The following SIN3A variants were observed in gnomAD, a reference collection of about 807,000 sequenced individuals.
SIN3A encodes SIN3 transcription regulator family member A.
SIN3A carries 14 observed loss-of-function variants against 146.1 expected under a neutral mutation model. That is an observed-to-expected ratio of 0.10 (90% CI 0.06 to 0.15). SIN3A has a LOEUF of 0.15. SIN3A is among the 10% of genes least tolerant of loss of function. The pLI is 1.00. For missense variants in SIN3A, 1,028 were observed against 1,576.0 expected (o/e 0.65, Z 5.89); for synonymous variants, 572 against 572.0 (o/e 1.00, Z 0.00).
intron 1 of SIN3A, among the ~76,000 whole-genome samples, chr15:75,432,923 T>C (rs962772177): frequency 1.3e-5 from 2 of 151,700 alleles, no homozygotes; most frequent in African/African-American, 4.8e-5. Flanking sequence ...GCATCTGTAA[T>C]CCCAGCTACT....
chr15:75,434,545 G>A (rs2074069329), intron 1 of SIN3A, among the ~76,000 whole-genome samples: 1 of 151,948 alleles, frequency 6.6e-6, no homozygotes, highest in Admixed American at 6.6e-5. Flanking sequence ...AGCTACTCAG[G>A]AGGCTGAGGC....
rs149786977 is a variant in SIN3A at position 75,444,731 on chromosome 15, T to C, written c.-34+6692A>G. On this transcript the variant is annotated intron_variant, in intron 1 of 20. Transcript: ENST00000394947. ...GTTACCCAGACATTTCTTACTACTG[T>C]AGGTAGAAAATGAACAGAAATTTAG... Among the ~76,000 whole-genome samples, 1,361 of 152,258 alleles carry C rather than the reference T, an allele frequency of 8.9e-3. 13 individuals are homozygous for C. The highest frequency in any genetic ancestry group is 0.015 in the Non-Finnish European group (1,051 of 68,006).
At chr15:75,390,062 C>T (rs1323123867) in intron 15 of SIN3A, among the ~76,000 whole-genome samples, 3 of 152,180 alleles carry the variant, frequency 2.0e-5, no homozygotes, top group African/African-American at 7.2e-5. Context: ...GACTACCATG[C>T]TAGAAAGATA....
chr15:75,371,926 G>A lies in SIN3A; in HGVS notation c.*53C>T. ...GTTTCTTCAGTGTGTGAGTGCATAG[G>A]CCCACACACACATCCCCACACACAC... On this transcript the variant is annotated 3_prime_UTR_variant, in exon 21 of 21. Transcript: ENST00000394947. The A allele has an allele frequency of 6.7e-7, 1 of 1,481,786 alleles. No individual in the cohort carries two copies. Among genetic ancestry groups the A allele is most frequent in the Admixed American group, 1.7e-5 (1 of 59,060 alleles). 91.8% of individuals were successfully genotyped at this position (1,481,786 alleles called of 1,614,324 possible). A position where few individuals can be genotyped will look rare whatever the true frequency, so the allele number is the denominator to read the frequency against.
rs184906997 is a variant in SIN3A at position 75,417,487 on chromosome 15, C to T, written c.367-3176G>A. 3.5e-4 allele frequency among the ~76,000 whole-genome samples: 53 copies of T among 151,884 alleles called. No homozygotes were observed. In the East Asian group the frequency reaches 0.01, roughly 29 times the overall value. Reference sequence around the variant, plus strand: ...GCCTCCTGGGTTCAAGTGATATCTCCTGCCTCAGCCTCCTGAGTAGCTGGG... The same window carrying T: ...GCCTCCTGGGTTCAAGTGATATCTCTTGCCTCAGCCTCCTGAGTAGCTGGG... On this transcript the variant is annotated intron_variant, in intron 3 of 20. Transcript: ENST00000394947.
At chr15:75,428,503 T>C (rs2073963534) in intron 2 of SIN3A, among the ~76,000 whole-genome samples, 1 of 152,104 alleles carries the variant, frequency 6.6e-6, no homozygotes, top group Admixed American at 6.6e-5. Flanking sequence ...TTTTTCAAAT[T>C]AATTAATTAA....
At chr15:75,380,574 C>T (rs564029076) in intron 19 of SIN3A, 55 bp downstream of exon 19, 4 of 1,267,230 alleles carry the variant, frequency 3.2e-6, no homozygotes, top group South Asian at 1.2e-5. Context: ...ATTTAACTCT[C>T]CATTCCTCAA....
intron 1 of SIN3A, among the ~76,000 whole-genome samples, chr15:75,447,387 G>GTC (rs1420100486): frequency 5.9e-5 from 9 of 152,352 alleles, no homozygotes; most frequent in East Asian, 1.9e-4. Context: ...AGTCAACAAT[G>GTC]TCTCTTAGTT....
chr15:75,412,351 T>A (rs966044530), intron 5 of SIN3A, among the ~76,000 whole-genome samples: 10 of 152,352 alleles, frequency 6.6e-5, no homozygotes, highest in African/African-American at 2.4e-4. Context: ...CTATCACTAT[T>A]CATTAGATCT....
chr15:75,401,990 GAA>G lies in SIN3A; in HGVS notation c.1408-22_1408-21del, dbSNP rs1441572045. Reference sequence around the variant, plus strand: ...TCGGACCTTATGGAGACAACGGGAAGAAAAACAGTTTTTGTTTTTCTTAAAGT... The same window carrying G: ...TCGGACCTTATGGAGACAACGGGAAGAAACAGTTTTTGTTTTTCTTAAAGT... On this transcript the variant is annotated intron_variant, in intron 9 of 20. Transcript: ENST00000394947. The G allele has an allele frequency of 3.3e-6, 5 of 1,495,074 alleles. No homozygotes were observed. The East Asian group carries it at 9.0e-5, about 27-fold the overall frequency. The allele number at this position is 1,495,074 out of a possible 1,614,324, so 92.6% of individuals were successfully genotyped here. A position where few individuals can be genotyped will look rare whatever the true frequency, so the allele number is the denominator to read the frequency against.
At chr15:75,427,575 G>T (rs996168480) in intron 2 of SIN3A, among the ~76,000 whole-genome samples, 1 of 149,658 alleles carries the variant, frequency 6.7e-6, no homozygotes, top group Non-Finnish European at 1.5e-5. Context: ...CAAGAGAATC[G>T]CTTCAACCTA....
At chr15:75,437,458 C>T (rs957976071) in intron 1 of SIN3A, among the ~76,000 whole-genome samples, 10 of 152,282 alleles carry the variant, frequency 6.6e-5, no homozygotes, top group Admixed American at 3.9e-4. Context: ...TGAGCCACTG[C>T]GCCCAGCCAG....
upstream of SIN3A, among the ~76,000 whole-genome samples, chr15:75,452,361 G>C (rs550496899): frequency 6.6e-6 from 1 of 152,212 alleles, no homozygotes; most frequent in Non-Finnish European, 1.5e-5. Flanking sequence ...ATAGGAGGGG[G>C]AGCGGAGCTC....
At chr15:75,432,942 T>A (rs2074038400) in intron 1 of SIN3A, among the ~76,000 whole-genome samples, 1 of 152,038 alleles carries the variant, frequency 6.6e-6, no homozygotes. Context: ...CTTGGGACGC[T>A]GAGACGGGAG....
chr15:75,383,781 C>T (rs562302287), intron 17 of SIN3A, among the ~76,000 whole-genome samples: 4 of 152,060 alleles, frequency 2.6e-5, no homozygotes, highest in Non-Finnish European at 5.9e-5. Flanking sequence ...GCTACCATGC[C>T]GGGCTAATTT....
At chr15:75,424,844 T>C (rs1354934615) in intron 2 of SIN3A, among the ~76,000 whole-genome samples, 3 of 152,174 alleles carry the variant, frequency 2.0e-5, no homozygotes, top group Non-Finnish European at 4.4e-5. Context: ...TTCTAAACAA[T>C]TTCTATACTT....
chr15:75,401,389 G>A (rs1299647271), intron 10 of SIN3A, among the ~76,000 whole-genome samples: 1 of 151,844 alleles, frequency 6.6e-6, no homozygotes, highest in African/African-American at 2.4e-5. Flanking sequence ...AAAATTAGCC[G>A]GGCGTGTGGT....
rs1461977154 is a variant in SIN3A at position 75,451,651 on chromosome 15, C to G, written c.-262G>C. 6.6e-6 allele frequency: 1 copy of G among 152,094 alleles called. No homozygotes were observed. The highest frequency in any genetic ancestry group is 1.5e-5 in the Non-Finnish European group (1 of 68,140). The allele number at this position is 152,094 out of a possible 1,614,324, so 9.4% of individuals were successfully genotyped here. ...AAGGGGAGGGGGGAAGATGGAGAAACCGTCTCCGCCGCCTCTACCGCCGCG... is the reference window on the plus strand; with the variant it reads ...AAGGGGAGGGGGGAAGATGGAGAAAGCGTCTCCGCCGCCTCTACCGCCGCG... On this transcript the variant is annotated 5_prime_UTR_variant, in exon 1 of 21. Transcript: ENST00000394947.
Position 75,392,224 on chromosome 15 carries a change from A to G in SIN3A, c.2851+18T>C. Reference sequence around the variant, plus strand: ...CAACCTCACACATCCTCTGTAAATCAGAGGTCTCGGCACTCACTAGGTTCT... The same window carrying G: ...CAACCTCACACATCCTCTGTAAATCGGAGGTCTCGGCACTCACTAGGTTCT... On this transcript the variant is annotated intron_variant, in intron 15 of 20. Coordinates refer to ENST00000394947, the MANE Select transcript of SIN3A (RefSeq NM_001145358.2). The G allele has an allele frequency of 6.2e-7, 1 of 1,603,888 alleles. No individual in the cohort carries two copies.
Sources: allele counts gnomAD v4.1 joint callset (sites outside exome capture counted in the v4.1 genomes callset), GRCh38; gene constraint gnomAD v4.1.1; transcripts MANE v1.5; gene names NCBI Gene and HGNC (gene_info 2026-07-23, HGNC 2026-07-21).